APOBEC1: variants seen among roughly 807,000 people sequenced by gnomAD.
APOBEC1 encodes the protein apolipoprotein B mRNA editing enzyme catalytic subunit 1, also known as C->U-editing enzyme APOBEC-1.
A neutral mutation model predicts 26.3 loss-of-function variants in APOBEC1; 22 were observed. That is an observed-to-expected ratio of 0.84 (90% confidence interval 0.60 to 1.19). The LOEUF (loss-of-function observed/expected upper bound fraction) is 1.19. Ranked by LOEUF, APOBEC1 falls within the 50% of genes most tolerant of loss-of-function variation. APOBEC1 has a pLI of 0.00. For synonymous variants in APOBEC1, 77 were observed against 95.3 expected (o/e 0.81, Z 1.12); for missense variants, 253 against 289.0 (o/e 0.88, Z 0.90).
chr12:7,660,400 G>GAAAGAAAGAAA (rs1565442479), intron 1 of APOBEC1, among the ~76,000 whole-genome samples: 23 of 101,720 alleles, frequency 2.3e-4, no homozygotes, highest in African/African-American at 7.8e-4. Flanking sequence ...AAGAAAGAAA[G>GAAAGAAAGAAA]AAAGAAAGAA....
chr12:7,666,058 C>T (rs140803830), upstream of APOBEC1, among the ~76,000 whole-genome samples: 290 of 152,160 alleles, frequency 1.9e-3, no homozygotes, highest in Middle Eastern at 3.4e-3. Flanking sequence ...GGGACATTAT[C>T]GTGGGGATTT....
At position 7,660,378 on chromosome 12, in the gene APOBEC1, A is replaced by AGGAAGGAC. The variant is rs1257234032; in HGVS notation, c.16+5478_16+5479insGTCCTTCC. ...AAGGAAGGAAGGAAGGAAGGAAGGA[A>AGGAAGGAC]AGAAAGAAAGAAAGAAAGAAAGAAA... On this transcript the variant is annotated intron_variant, in intron 1 of 4. Coordinates refer to ENST00000229304, the MANE Select transcript of APOBEC1 (RefSeq NM_001644.5). Among the ~76,000 whole-genome samples, 905 of 100,572 alleles carry AGGAAGGAC rather than the reference A, an allele frequency of 9.0e-3. 34 individuals carry two copies. Among genetic ancestry groups the AGGAAGGAC allele is most frequent in the Middle Eastern group, 0.019 (4 of 206 alleles). The allele number at this position is 100,572 out of a possible 152,430, so 66.0% of individuals were successfully genotyped here.
At chr12:7,663,809 A>G (rs1318617717) in intron 1 of APOBEC1, among the ~76,000 whole-genome samples, 3 of 152,226 alleles carry the variant, frequency 2.0e-5, no homozygotes, top group Middle Eastern at 3.4e-3. Context: ...AGCTACTACA[A>G]TCAAATAATG....
chr12:7,655,144 G>A (rs780571629), intron 1 of APOBEC1, among the ~76,000 whole-genome samples: 62 of 152,218 alleles, frequency 4.1e-4, no homozygotes, highest in African/African-American at 1.2e-3. Context: ...GGGGAGAGGA[G>A]GTTGCAGTGA....
intron 1 of APOBEC1, among the ~76,000 whole-genome samples, chr12:7,660,684 C>G (rs1207782886): frequency 9.8e-6 from 1 of 102,036 alleles, no homozygotes; most frequent in African/African-American, 3.9e-5. Flanking sequence ...CCCTTGGTGA[C>G]AGAATGAGAT....
rs555857195 is a variant in APOBEC1 at position 7,649,547 on chromosome 12, T to G, written c.711A>C (p.Ter237CysextTer3). Residue 237 changes from the stop codon to cysteine, a stop_lost, in exon 5 of 5, where the codon TGA (stop) becomes TGC (cysteine). Coordinates refer to ENST00000229304, the MANE Select transcript of APOBEC1 (RefSeq NM_001644.5). The stretch of plus-strand genomic sequence containing the variant: ...CAGTACACACACGGAATCATCCTAT[T>G]CATCTCCAAGCCACAGAAGGATGTA... ...GLIHPSVAWR[*>C] 1.2e-6 allele frequency: 2 copies of G among 1,613,968 alleles called. No individual in the cohort carries two copies. The highest frequency in any genetic ancestry group is 1.7e-6 in the Non-Finnish European group (2 of 1,179,954).
At chr12:7,659,122 C>G (rs867962621) in intron 1 of APOBEC1, among the ~76,000 whole-genome samples, 5 of 149,264 alleles carry the variant, frequency 3.3e-5, no homozygotes, top group Admixed American at 2.0e-4. Context: ...TGGAGAAACC[C>G]TGTCTCTACT....
At chr12:7,649,744 T>G in intron 4 of APOBEC1, 48 bp from the exon 5 acceptor site, 1 of 1,273,164 alleles carries the variant, frequency 7.9e-7, no homozygotes, top group Non-Finnish European at 1.1e-6. Context: ...AATATTTTAA[T>G]TAATAATATT....
chr12:7,662,398 T>C (rs1380887540), intron 1 of APOBEC1, among the ~76,000 whole-genome samples: 4 of 151,670 alleles, frequency 2.6e-5, no homozygotes, highest in Non-Finnish European at 5.9e-5. Flanking sequence ...GCCTGGCCAA[T>C]ATGGCAAAAC....
At chr12:7,670,427 T>C (rs1863937021), upstream of APOBEC1, among the ~76,000 whole-genome samples, 2 of 141,716 alleles carry the variant, frequency 1.4e-5, no homozygotes, top group Admixed American at 1.4e-4. Context: ...CCCATCATAA[T>C]TGCAAAATAT....
At position 7,659,322 on chromosome 12, in the gene APOBEC1, A is replaced by AATATATATAT. The variant is rs1328982852; in HGVS notation, c.17-4700_17-4691dup. On this transcript the variant is annotated intron_variant, in intron 1 of 4. Coordinates refer to ENST00000229304, the MANE Select transcript of APOBEC1 (RefSeq NM_001644.5). ...AAAAAAAAAAAAAAAAAAAAAAAAA[A>AATATATATAT]ATATATATATATATATATATATATA... 2.9e-3 allele frequency among the ~76,000 whole-genome samples: 136 copies of AATATATATAT among 46,252 alleles called. 3 individuals are homozygous for AATATATATAT. Among genetic ancestry groups the AATATATATAT allele is most frequent in the African/African-American group, 0.014 (109 of 7,910 alleles). 30.3% of individuals were successfully genotyped at this position (46,252 alleles called of 152,430 possible).
At chr12:7,657,577 T>TA (rs3040824) in intron 1 of APOBEC1, among the ~76,000 whole-genome samples, 13,793 of 150,170 alleles carry the variant, frequency 0.092, 813 homozygotes, top group African/African-American at 0.17. Context: ...AAAACAAAAT[T>TA]AAAAAACAAA....
At chr12:7,661,229 G>A (rs1355695879) in intron 1 of APOBEC1, among the ~76,000 whole-genome samples, 4 of 149,260 alleles carry the variant, frequency 2.7e-5, no homozygotes, top group Admixed American at 6.7e-5. Flanking sequence ...AAAAAAAGAC[G>A]GGAACAATAG....
chr12:7,658,040 T>TTGTTC (rs1192599877), intron 1 of APOBEC1, among the ~76,000 whole-genome samples: 21 of 130,806 alleles, frequency 1.6e-4, no homozygotes, highest in African/African-American at 4.8e-4. Flanking sequence ...GGAAATTGAT[T>TTGTTC]TGTTCTGTTT....
At chr12:7,649,764 A>G (rs1408567787) in intron 4 of APOBEC1, 68 bp from the exon 5 acceptor site, 4 of 1,164,414 alleles carry the variant, frequency 3.4e-6, no homozygotes, top group Non-Finnish European at 3.6e-6. Context: ...TATCACCACA[A>G]ACATTTAAAA....
At chr12:7,655,533 G>A (rs1323008363) in intron 1 of APOBEC1, among the ~76,000 whole-genome samples, 2 of 151,822 alleles carry the variant, frequency 1.3e-5, no homozygotes, top group Middle Eastern at 3.4e-3. Context: ...AAGAAAGAAA[G>A]AAATGGAAAT....
chr12:7,649,508 G>A lies in APOBEC1; in HGVS notation c.*39C>T. ...ATTCACTCTTTAGTGGGTCATCATT[G>A]CTTGTTCTTGAATCAGTACACACAC... On this transcript the variant is annotated 3_prime_UTR_variant, in exon 5 of 5. Coordinates refer to ENST00000229304, the MANE Select transcript of APOBEC1 (RefSeq NM_001644.5). 1.3e-6 allele frequency: 2 copies of A among 1,594,240 alleles called. No homozygotes were observed. The highest frequency in any genetic ancestry group is 1.7e-6 in the Non-Finnish European group (2 of 1,167,666).
chr12:7,653,516 A>G (rs1053272514), intron 2 of APOBEC1, among the ~76,000 whole-genome samples: 9 of 122,880 alleles, frequency 7.3e-5, no homozygotes, highest in Non-Finnish European at 1.5e-4. Flanking sequence ...TTTTTAAGAC[A>G]TGGTCTCTCT....
intron 4 of APOBEC1, 129 bp from the exon 5 acceptor site, chr12:7,649,825 A>C: frequency 1.2e-6 from 1 of 827,732 alleles, no homozygotes; most frequent in Admixed American, 2.8e-5. Context: ...TTTTTCCCAG[A>C]CAGGGTCTGG....
Sources: gnomAD v4.1 joint callset for allele counts (sites outside exome capture counted in the v4.1 genomes callset) on GRCh38, gnomAD v4.1.1 for gene constraint, MANE v1.5 for transcripts, NCBI Gene and HGNC (gene_info 2026-07-23, HGNC 2026-07-21) for gene names.